The following ABCG4 variants were observed in gnomAD, a reference collection of about 807,000 sequenced individuals.
ABCG4 encodes the protein ATP-binding cassette sub-family G member 4.
ABCG4 carries 35 observed loss-of-function variants against 64.6 expected under a neutral mutation model. The ratio of observed to expected loss-of-function variants is 0.54; its 90% CI spans 0.41 to 0.72. ABCG4 has a LOEUF of 0.72. Among genes scored for constraint, ABCG4 ranks in the 30% least tolerant of loss-of-function variants. The pLI is 0.00. For synonymous variants in ABCG4, 326 were observed against 348.2 expected, an observed-to-expected ratio of 0.94 and a Z score of 0.71; for missense variants, 610 against 846.3, an observed-to-expected ratio of 0.72 and a Z score of 3.46.
Position 119,161,247 on chromosome 11 carries a change from G to A in ABCG4, c.*141G>A, listed in dbSNP as rs1948348081. ...CCTCCCTTGGCTCCTCCACAGGCTG[G>A]CTGTCGGACTGCGCTCCCAGCCTGG... is the stretch of plus-strand genomic sequence containing the variant. On this transcript the variant is annotated 3_prime_UTR_variant, in exon 15 of 15. Transcript: ENST00000619701. 4.0e-6 allele frequency: 3 copies of A among 755,428 alleles called. No homozygotes were observed. Among genetic ancestry groups the A allele is most frequent in the Non-Finnish European group, 6.3e-6 (3 of 479,964 alleles). 46.8% of individuals were successfully genotyped at this position (755,428 alleles called of 1,614,324 possible). A position where few individuals can be genotyped will look rare whatever the true frequency, so the allele number is the denominator to read the frequency against.
chr11:119,156,650 C>T lies in ABCG4; in HGVS notation c.897C>T (p.Cys299=), dbSNP rs772929341. 2 of 1,614,018 alleles carry T rather than the reference C, an allele frequency of 1.2e-6. No homozygotes were observed. Among genetic ancestry groups the T allele is most frequent in the Non-Finnish European group, 1.7e-6 (2 of 1,180,028 alleles). The change falls in exon 8 of 15, where the codon TGC becomes TGT. Residue 299 remains cysteine (C), a synonymous_variant. Transcript: ENST00000619701. This position sits in a 1 kb window ranked among gnomAD's most constrained non-coding sequence, Gnocchi z 5.5. ...IPYLKGLGLH[C]PTYHNPADFI... Reference sequence around the variant, plus strand: ...ATCTAAAGGGACTCGGCTTGCATTGCCCCACCTACCACAACCCGGCTGACT... The same window carrying T: ...ATCTAAAGGGACTCGGCTTGCATTGTCCCACCTACCACAACCCGGCTGACT...
intron 9 of ABCG4, among the ~76,000 whole-genome samples, chr11:119,157,488 G>A (rs771367558): frequency 6.6e-6 from 1 of 152,226 alleles, no homozygotes; most frequent in Non-Finnish European, 1.5e-5. Flanking sequence ...ATGAGACACT[G>A]TAACCCCTGA....
At position 119,159,000 on chromosome 11, in the gene ABCG4, T is replaced by C. The variant is rs1948308812; in HGVS notation, c.1437+71T>C. 6.9e-7 allele frequency: 1 copy of C among 1,446,922 alleles called. No homozygotes were observed. The highest frequency in any genetic ancestry group is 1.4e-5 in the African/African-American group (1 of 71,284). The allele number at this position is 1,446,922 out of a possible 1,614,324, so 89.6% of individuals were successfully genotyped here. A position where few individuals can be genotyped will look rare whatever the true frequency, so the allele number is the denominator to read the frequency against. On this transcript the variant is annotated intron_variant, in intron 12 of 14. Transcript: ENST00000619701. This position sits in a 1 kb window ranked among gnomAD's most constrained non-coding sequence, Gnocchi z 4.5. ...CTCCTTCTATCCTTGCTTTCTTGCCTCCCTCAAACTTGTCACTTTCCTTCC... is the reference window on the plus strand; with the variant it reads ...CTCCTTCTATCCTTGCTTTCTTGCCCCCCTCAAACTTGTCACTTTCCTTCC...
Position 119,149,669 on chromosome 11 carries a change from A to T in ABCG4, c.-12-285A>T. The T allele has an allele frequency of 2.2e-6, 1 of 463,756 alleles. No homozygotes were observed. Among genetic ancestry groups the T allele is most frequent in the Non-Finnish European group, 3.9e-6 (1 of 255,652 alleles). 28.7% of individuals were successfully genotyped at this position (463,756 alleles called of 1,614,324 possible). A position where few individuals can be genotyped will look rare whatever the true frequency, so the allele number is the denominator to read the frequency against. ...CCCGCCCCCTATTCCTTCAGTCCCC[A>T]GGGGCTGCTGGCCTGCGGGGTAAGG... On this transcript the variant is annotated intron_variant, in intron 1 of 14. Coordinates refer to ENST00000619701, the MANE Select transcript of ABCG4 (RefSeq NM_022169.5). The surrounding 1 kb of genome is among the most constrained non-coding windows in gnomAD (Gnocchi z 8.3).
chr11:119,153,732 C>T (rs377165417), intron 2 of ABCG4: 2 of 372,840 alleles, frequency 5.4e-6, no homozygotes, highest in African/African-American at 2.0e-5. Context: ...CCAGGGTCTT[C>T]TACAGCTTTG....
intron 2 of ABCG4, among the ~76,000 whole-genome samples, chr11:119,151,159 C>T (rs900576923): frequency 6.6e-6 from 1 of 152,256 alleles, no homozygotes; most frequent in African/African-American, 2.4e-5. Context: ...CCCTAAGCAA[C>T]CTCTTTCGGT....
rs201318219 is a variant in ABCG4 at position 119,154,852 on chromosome 11, G to A, written c.623G>A (p.Arg208His). The change falls in exon 6 of 15, where the codon CGT becomes CAT. Residue 208 changes from arginine (R) to histidine (H), a missense_variant. Physicochemically the swap from Arg to His is conservative, Grantham distance 29. Coordinates refer to ENST00000619701, the MANE Select transcript of ABCG4 (RefSeq NM_022169.5). This position sits in a 1 kb window ranked among gnomAD's most constrained non-coding sequence, Gnocchi z 7.0. ...CTGCTCTCTGGCGGGCAGAGGAAGC[G>A]TCTGGCCATCGCCCTGGAGCTGGTC... ...TALLSGGQRK[R>H]LAIALELVNN... 5.6e-6 allele frequency: 9 copies of A among 1,614,078 alleles called. No homozygotes were observed. The highest frequency in any genetic ancestry group is 4.5e-5 in the East Asian group (2 of 44,880).
rs1481694209 is a variant in ABCG4, at chr11:119,161,530, C to T, written c.*424C>T. ...ACACAAGTGTTTGTAAACTGGGCTGCTATAAGGTTGGAGTTCCAGGGCTGG... is the reference window on the plus strand; with the variant it reads ...ACACAAGTGTTTGTAAACTGGGCTGTTATAAGGTTGGAGTTCCAGGGCTGG... On this transcript the variant is annotated 3_prime_UTR_variant, in exon 15 of 15. Coordinates refer to ENST00000619701, the MANE Select transcript of ABCG4 (RefSeq NM_022169.5). The T allele has an allele frequency of 6.1e-6, 1 of 164,710 alleles. No homozygotes were observed. Among genetic ancestry groups the T allele is most frequent in the Non-Finnish European group, 1.3e-5 (1 of 75,026 alleles). 10.2% of individuals were successfully genotyped at this position (164,710 alleles called of 1,614,324 possible). A position where few individuals can be genotyped will look rare whatever the true frequency, so the allele number is the denominator to read the frequency against.
At chr11:119,157,614 G>A (rs1276584658) in intron 9 of ABCG4, among the ~76,000 whole-genome samples, 5 of 152,246 alleles carry the variant, frequency 3.3e-5, no homozygotes, top group African/African-American at 1.2e-4. Flanking sequence ...AGTGGCCCAC[G>A]CCTGTAATCC....
chr11:119,156,640 G>C lies in ABCG4; in HGVS notation c.887G>C (p.Gly296Ala). 6.2e-7 allele frequency: 1 copy of C among 1,614,136 alleles called. No individual in the cohort carries two copies. Among genetic ancestry groups the C allele is most frequent in the South Asian group, 1.1e-5 (1 of 91,082 alleles). ...CTGATCCCCTATCTAAAGGGACTCGGCTTGCATTGCCCCACCTACCACAAC... is the reference window on the plus strand; with the variant it reads ...CTGATCCCCTATCTAAAGGGACTCGCCTTGCATTGCCCCACCTACCACAAC... ...TNLIPYLKGL[G>A]LHCPTYHNPA... Residue 296 changes from glycine (G) to alanine (A), a missense_variant, in exon 8 of 15, where the codon GGC (glycine) becomes GCC (alanine). Physicochemically the swap from Gly to Ala is moderately conservative, Grantham distance 60 (BLOSUM62 0). Coordinates refer to ENST00000619701, the MANE Select transcript of ABCG4 (RefSeq NM_022169.5). This position sits in a 1 kb window ranked among gnomAD's most constrained non-coding sequence, Gnocchi z 5.5.
rs1367889048 is a variant in ABCG4 at position 119,160,514 on chromosome 11, C to T, written c.1597-24C>T. ...TTGTCCTGGTCACCCCTATGATGGC[C>T]TGGCCCCCTCCCTTCCCCTCTAGGT... is the stretch of plus-strand genomic sequence containing the variant. On this transcript the variant is annotated intron_variant, in intron 13 of 14. Transcript: ENST00000619701. This position sits in a 1 kb window ranked among gnomAD's most constrained non-coding sequence, Gnocchi z 4.6. 6.2e-7 allele frequency: 1 copy of T among 1,607,230 alleles called. No individual in the cohort carries two copies. Among genetic ancestry groups the T allele is most frequent in the Non-Finnish European group, 8.5e-7 (1 of 1,177,870 alleles).
chr11:119,152,538 G>C (rs553049547), intron 2 of ABCG4, among the ~76,000 whole-genome samples: 1 of 152,214 alleles, frequency 6.6e-6, no homozygotes, highest in Non-Finnish European at 1.5e-5. Context: ...GCAGCAATGA[G>C]CAAGGTGCTA....
chr11:119,150,027 C>A lies in ABCG4; in HGVS notation c.62C>A (p.Ala21Asp). 6.2e-7 allele frequency: 1 copy of A among 1,612,938 alleles called. No individual in the cohort carries two copies. ...CTAGGGCCGGGGGCTGTGGCCATGG[C>A]CGTGACGCTGGAGGACGGGGCGGAA... The part of the protein sequence containing the change: ...CGLGPGAVAM[A>D]VTLEDGAEPP... The change falls in exon 2 of 15, where the codon GCC (alanine) becomes GAC (aspartate). Residue 21 changes from alanine (A) to aspartate (D), a missense_variant. By Grantham distance (126) the Ala-to-Asp change is moderately radical. Coordinates refer to ENST00000619701, the MANE Select transcript of ABCG4 (RefSeq NM_022169.5). The surrounding 1 kb of genome is among the most constrained non-coding windows in gnomAD (Gnocchi z 4.3).
At position 119,154,186 on chromosome 11, in the gene ABCG4, G is replaced by T; in HGVS notation, c.356+43G>T. The stretch of plus-strand genomic sequence containing the variant: ...GTGGAATGGAGGCAGGACTCAGGAA[G>T]AAGTATCCCTTGGGGAACACAGAAG... On this transcript the variant is annotated intron_variant, in intron 3 of 14. Transcript: ENST00000619701. The surrounding 1 kb of genome is among the most constrained non-coding windows in gnomAD (Gnocchi z 7.0). The T allele has an allele frequency of 1.2e-6, 2 of 1,613,518 alleles. No homozygotes were observed. The highest frequency in any genetic ancestry group is 1.7e-6 in the Non-Finnish European group (2 of 1,179,460).
At position 119,158,646 on chromosome 11, in the gene ABCG4, G is replaced by A; in HGVS notation, c.1257G>A (p.Lys419=). 6.2e-7 allele frequency: 1 copy of A among 1,614,168 alleles called. No homozygotes were observed. Among genetic ancestry groups the A allele is most frequent in the Non-Finnish European group, 8.5e-7 (1 of 1,180,028 alleles). ...LYLHIGDDAS[K]VFNNTGCLFF... Reference sequence around the variant, plus strand: ...TGCATATTGGCGACGATGCCAGCAAGGTCTTCAACAACACCGGCTGCCTCT... The same window carrying A: ...TGCATATTGGCGACGATGCCAGCAAAGTCTTCAACAACACCGGCTGCCTCT... Residue 419 remains lysine, a synonymous_variant, in exon 11 of 15, where the codon AAG becomes AAA. Transcript: ENST00000619701. The surrounding 1 kb of genome is among the most constrained non-coding windows in gnomAD (Gnocchi z 4.5).
At position 119,158,397 on chromosome 11, in the gene ABCG4, A is replaced by G; in HGVS notation, c.1167+65A>G. On this transcript the variant is annotated intron_variant, in intron 10 of 14. Transcript: ENST00000619701. This position sits in a 1 kb window ranked among gnomAD's most constrained non-coding sequence, Gnocchi z 4.5. ...CTGACCTTTTGGGCTGTAGGATCCC[A>G]GCAGCTGAAATGGGAATGGGGACCC... 2 of 1,581,994 alleles carry G rather than the reference A, an allele frequency of 1.3e-6. No individual in the cohort carries two copies. Among genetic ancestry groups the G allele is most frequent in the Non-Finnish European group, 8.7e-7 (1 of 1,152,036 alleles).
chr11:119,152,214 G>T (rs796325183), intron 2 of ABCG4, among the ~76,000 whole-genome samples: 1 of 152,206 alleles, frequency 6.6e-6, no homozygotes, highest in Non-Finnish European at 1.5e-5. Context: ...TCCCAGGAAA[G>T]AACTTGCTGT....
rs992058193 is a variant in ABCG4, at chr11:119,155,307, C to G, written c.686+392C>G. On this transcript the variant is annotated intron_variant, in intron 6 of 14. Transcript: ENST00000619701. This position sits in a 1 kb window ranked among gnomAD's most constrained non-coding sequence, Gnocchi z 4.5. ...TCTCCCAGTCAATCCTTTCTCCAAA[C>G]TGCAGCTACAGTGAACTTTCTTTTA... Among the ~76,000 whole-genome samples the G allele has an allele frequency of 2.0e-5, 3 of 151,972 alleles. No homozygotes were observed. The highest frequency in any genetic ancestry group is 7.2e-5 in the African/African-American group (3 of 41,416).
At position 119,150,472 on chromosome 11, in the gene ABCG4, G is replaced by A. The variant is rs140855056; in HGVS notation, c.238+269G>A. 6.6e-6 allele frequency among the ~76,000 whole-genome samples: 1 copy of A among 152,302 alleles called. No individual in the cohort carries two copies. The highest frequency in any genetic ancestry group is 2.4e-5 in the African/African-American group (1 of 41,560). On this transcript the variant is annotated intron_variant, in intron 2 of 14. Transcript: ENST00000619701. This position sits in a 1 kb window ranked among gnomAD's most constrained non-coding sequence, Gnocchi z 4.3. The stretch of plus-strand genomic sequence containing the variant: ...AGAGATCCCGTGACCTCTGGTCCTT[G>A]AGTGGTCCTTGATGAGTTTTCCTTC...
Sources: gnomAD v4.1 joint callset for allele counts (sites outside exome capture counted in the v4.1 genomes callset) on GRCh38, gnomAD v4.1.1 for gene constraint, Gnocchi (gnomAD v3.1) non-coding constraint, MANE v1.5 for transcripts, NCBI Gene and HGNC (gene_info 2026-07-23, HGNC 2026-07-21) for gene names.